Variants in CFAP70 observed in about 807,000 individuals in gnomAD.
The protein encoded by CFAP70 is cilia and flagella associated protein 70.
Under a neutral mutation model 137.6 loss-of-function variants are expected in CFAP70, and 81 were observed. The ratio of observed to expected loss-of-function variants is 0.59; its 90% CI spans 0.49 to 0.71. The LOEUF (loss-of-function observed/expected upper bound fraction) is 0.71, where lower values mean the gene tolerates loss of function less well. Ranked by LOEUF, CFAP70 falls within the 30% of genes least tolerant of loss-of-function variation. The pLI is 0.00. For missense variants in CFAP70, 976 were observed against 1,226.7 expected (o/e 0.80, Z 3.05); for synonymous variants, 382 against 423.6 (o/e 0.90, Z 1.20).
At chr10:73,331,405 C>T in intron 7 of CFAP70, 129 bp from the exon 9 acceptor site, 1 of 711,652 alleles carries the variant, frequency 1.4e-6, no homozygotes, top group African/African-American at 1.8e-5. Context: ...GGGGGCTCGG[C>T]TCAGTGGCTC....
At chr10:73,312,149 A>G (rs976150330) in intron 10 of CFAP70, among the ~76,000 whole-genome samples, 1 of 152,188 alleles carries the variant, frequency 6.6e-6, no homozygotes, top group African/African-American at 2.4e-5. Context: ...TTGAACCATG[A>G]AAACACATGG....
chr10:73,332,435 T>C (rs2052206584), intron 7 of CFAP70, among the ~76,000 whole-genome samples: 1 of 152,176 alleles, frequency 6.6e-6, no homozygotes, highest in Admixed American at 6.5e-5. Flanking sequence ...ACCAGATCCT[T>C]ATCTGATCTC....
intron 3 of CFAP70, among the ~76,000 whole-genome samples, chr10:73,352,487 T>G (rs1221103341): frequency 6.6e-6 from 1 of 152,204 alleles, no homozygotes; most frequent in African/African-American, 2.4e-5. Context: ...TTTCTTTTTT[T>G]TGGTCTGTGC....
Position 73,275,770 on chromosome 10 carries a change from T to A in CFAP70, c.2521-172A>T. ...TTACAAACATTCTGCACTTCATAGT[T>A]CCATTACCAGCTATTCACCTAGTCA... On this transcript the variant is annotated intron_variant, in intron 21 of 26. Transcript: ENST00000310715. This position sits in a 1 kb window ranked among gnomAD's most constrained non-coding sequence, Gnocchi z 4.0. The A allele has an allele frequency of 1.8e-6, 1 of 543,428 alleles. No homozygotes were observed. The highest frequency in any genetic ancestry group is 3.0e-6 in the Non-Finnish European group (1 of 330,786). 33.7% of individuals were successfully genotyped at this position (543,428 alleles called of 1,614,324 possible). A position where few individuals can be genotyped will look rare whatever the true frequency, so the allele number is the denominator to read the frequency against.
chr10:73,302,461 C>T (rs2049022908), intron 12 of CFAP70, among the ~76,000 whole-genome samples: 1 of 152,124 alleles, frequency 6.6e-6, no homozygotes, highest in African/African-American at 2.4e-5. Context: ...CAATATTTAT[C>T]TGAAGACAAG....
At chr10:73,270,952 C>T (rs1443316670) in intron 24 of CFAP70, among the ~76,000 whole-genome samples, 1 of 152,150 alleles carries the variant, frequency 6.6e-6, no homozygotes, top group East Asian at 1.9e-4. Context: ...GACATTGATT[C>T]ATTATTTAAT....
chr10:73,353,790 T>C (rs1167486042), intron 2 of CFAP70, 48 bp from the exon 3 acceptor site: 2 of 1,574,136 alleles, frequency 1.3e-6, no homozygotes, highest in Non-Finnish European at 1.7e-6. Context: ...AATAGAGAAT[T>C]TTCCCACACA....
intron 3 of CFAP70, among the ~76,000 whole-genome samples, chr10:73,349,496 CTG>C (rs1564886549): frequency 6.6e-6 from 1 of 151,254 alleles, no homozygotes; most frequent in East Asian, 1.9e-4. Context: ...TGAGCCGAGA[CTG>C]TGCCACTGCA....
At chr10:73,299,510 C>A (rs1053954674) in intron 13 of CFAP70, 95 bp downstream of exon 14, 3 of 1,025,434 alleles carry the variant, frequency 2.9e-6, no homozygotes, top group South Asian at 1.4e-5. Flanking sequence ...AGTTTTCACC[C>A]CTTCTGGAAG....
intron 25 of CFAP70, among the ~76,000 whole-genome samples, chr10:73,269,023 T>C (rs1461949313): frequency 6.6e-6 from 1 of 152,148 alleles, no homozygotes; most frequent in Non-Finnish European, 1.5e-5. Context: ...ATATTTGGGA[T>C]ATTTACACTA....
rs905140508 is a variant in CFAP70, at chr10:73,344,970, A to C, written c.399+95T>G. The C allele has an allele frequency of 5.2e-6, 5 of 960,244 alleles. No individual in the cohort carries two copies. In the African/African-American group the frequency reaches 6.5e-5, roughly 12 times the overall value. 59.5% of individuals were successfully genotyped at this position (960,244 alleles called of 1,614,324 possible). A position where few individuals can be genotyped will look rare whatever the true frequency, so the allele number is the denominator to read the frequency against. ...AATAAATCTCAGCTATTAGCAGTGC[A>C]ATGCTTTGAATGAAATCTTAGAGGT... is the stretch of plus-strand genomic sequence containing the variant. On this transcript the variant is annotated intron_variant, in intron 5 of 26. Coordinates refer to ENST00000310715, the Ensembl canonical transcript of CFAP70.
At chr10:73,354,173 A>AATATTTTAGAAT (rs1373931692) in intron 2 of CFAP70, among the ~76,000 whole-genome samples, 1 of 152,228 alleles carries the variant, frequency 6.6e-6, no homozygotes, top group East Asian at 1.9e-4. Flanking sequence ...AAGCATTATT[A>AATATTTTAGAAT]ATATTTTAGA....
chr10:73,302,539 C>T (rs904483169), intron 12 of CFAP70, among the ~76,000 whole-genome samples: 3 of 152,118 alleles, frequency 2.0e-5, no homozygotes, highest in Non-Finnish European at 4.4e-5. Flanking sequence ...ATAGCATTAC[C>T]AAATTGCCCT....
chr10:73,274,323 A>T, intron 23 of CFAP70, 110 bp downstream of exon 24: 11 of 1,244,972 alleles, frequency 8.8e-6, no homozygotes, highest in South Asian at 4.9e-5. Context: ...CTTTGGATGT[A>T]AAAGTGTCAT....
Position 73,274,353 on chromosome 10 carries a change from G to A in CFAP70, c.2835+80C>T, listed in dbSNP as rs559232613. On this transcript the variant is annotated intron_variant, in intron 23 of 26. Transcript: ENST00000310715. ...TGTCATTATTATATTACTAGTTTTA[G>A]TCCACACAGATAGATGTTAATGCTT... The A allele has an allele frequency of 3.5e-6, 5 of 1,428,876 alleles. No homozygotes were observed. The South Asian group carries it at 5.8e-5, about 17-fold the overall frequency. 88.5% of individuals were successfully genotyped at this position (1,428,876 alleles called of 1,614,324 possible). A position where few individuals can be genotyped will look rare whatever the true frequency, so the allele number is the denominator to read the frequency against.
intron 8 of CFAP70, among the ~76,000 whole-genome samples, chr10:73,330,943 C>T (rs868582301): frequency 1.3e-5 from 2 of 152,082 alleles, no homozygotes; most frequent in Non-Finnish European, 2.9e-5. Flanking sequence ...TAGTGAACAA[C>T]GGGGAACTAG....
At chr10:73,323,338 G>GGGGGGGGC (rs1564841490) in intron 8 of CFAP70, among the ~76,000 whole-genome samples, 3 of 127,174 alleles carry the variant, frequency 2.4e-5, no homozygotes, top group African/African-American at 8.6e-5. Flanking sequence ...GGGCGGGGGG[G>GGGGGGGGC]GGGCAGCCAA....
intron 12 of CFAP70, among the ~76,000 whole-genome samples, chr10:73,300,666 C>A (rs545273466): frequency 1.3e-5 from 2 of 152,124 alleles, no homozygotes; most frequent in African/African-American, 4.8e-5. Context: ...AGTTCGAGAC[C>A]AGCCTGAGAA....
intron 25 of CFAP70, among the ~76,000 whole-genome samples, chr10:73,258,426 C>T (rs1647124215): frequency 6.6e-6 from 1 of 152,212 alleles, no homozygotes; most frequent in African/African-American, 2.4e-5. Context: ...TTACTTTAAT[C>T]TCTTAATCCC....
Sources: allele counts gnomAD v4.1 joint callset (sites outside exome capture counted in the v4.1 genomes callset), GRCh38; gene constraint gnomAD v4.1.1; non-coding constraint Gnocchi (gnomAD v3.1); transcripts MANE v1.5; gene names NCBI Gene and HGNC (gene_info 2026-07-23, HGNC 2026-07-21).